PCDHGA10: variants seen among roughly 807,000 people sequenced by gnomAD.
PCDHGA10 encodes protocadherin gamma subfamily A, 10, also known as protocadherin gamma-A10.
A neutral mutation model predicts 59.5 loss-of-function variants in PCDHGA10; 42 were observed. The observed-to-expected ratio is 0.71, with a 90% CI of 0.55 to 0.91. The LOEUF is 0.91. Among genes scored for constraint, PCDHGA10 ranks in the 40% least tolerant of loss-of-function variants. The pLI, the probability that PCDHGA10 is intolerant of heterozygous loss-of-function variation, is 0.00. For missense variants in PCDHGA10, 1,111 were observed against 1,198.2 expected, an observed-to-expected ratio of 0.93 and a Z score of 1.07; for synonymous variants, 511 against 517.2, an observed-to-expected ratio of 0.99 and a Z score of 0.16.
intron 2 of PCDHGA10, among the ~76,000 whole-genome samples, chr5:141,500,705 T>A (rs1169100560): frequency 6.6e-6 from 1 of 152,220 alleles, no homozygotes; most frequent in Non-Finnish European, 1.5e-5. Context: ...TTGCAGTGTA[T>A]CATGAGAATT....
Position 141,491,925 on chromosome 5 carries a change from G to C in PCDHGA10, c.2437-2882G>C. On this transcript the variant is annotated intron_variant, in intron 1 of 3. Coordinates refer to ENST00000398610, the MANE Select transcript of PCDHGA10 (RefSeq NM_018913.3). This position sits in a 1 kb window ranked among gnomAD's most constrained non-coding sequence, Gnocchi z 6.9. ...GGGTGGTGGCGACTGTGGGCGAGGG[G>C]AGGTGGGACCGACCCCCACCCCTAC... 1 of 1,325,176 alleles carries C rather than the reference G, an allele frequency of 7.5e-7. No individual in the cohort carries two copies. Among genetic ancestry groups the C allele is most frequent in the Non-Finnish European group, 1.0e-6 (1 of 987,300 alleles). The allele number at this position is 1,325,176 out of a possible 1,614,324, so 82.1% of individuals were successfully genotyped here.
chr5:141,434,209 A>G (rs946478332), intron 1 of PCDHGA10, among the ~76,000 whole-genome samples: 17 of 152,216 alleles, frequency 1.1e-4, no homozygotes, highest in African/African-American at 4.1e-4. Flanking sequence ...TACTTCTGTC[A>G]GTGTAAACAA....
intron 1 of PCDHGA10, among the ~76,000 whole-genome samples, chr5:141,434,248 G>A (rs1347428778): frequency 2.0e-5 from 3 of 152,188 alleles, no homozygotes; most frequent in Non-Finnish European, 2.9e-5. Flanking sequence ...GATGACTTGG[G>A]CATTGTGGGG....
At chr5:141,422,911 G>A (rs375046528) in intron 1 of PCDHGA10, 5 of 1,614,118 alleles carry the variant, frequency 3.1e-6, no homozygotes, top group African/African-American at 2.7e-5. Flanking sequence ...CAATGCGCCC[G>A]AGATCCTGTA....
chr5:141,427,697 A>G (rs1306378691), intron 1 of PCDHGA10: 3 of 924,392 alleles, frequency 3.2e-6, no homozygotes, highest in South Asian at 1.4e-5. Context: ...CCATCCCACA[A>G]GTCAGCGCCT....
chr5:141,476,839 G>A lies in PCDHGA10; in HGVS notation c.2437-17968G>A, dbSNP rs372676286. The A allele has an allele frequency of 5.0e-6, 8 of 1,613,490 alleles. No homozygotes were observed. Among genetic ancestry groups the A allele is most frequent in the South Asian group, 1.1e-5 (1 of 91,088 alleles). On this transcript the variant is annotated intron_variant, in intron 1 of 3. Transcript: ENST00000398610. The surrounding 1 kb of genome is among the most constrained non-coding windows in gnomAD (Gnocchi z 7.6). ...AGGTGCTGGACGCGAATGACAATGC[G>A]CCTGTCTTCAACCAGTCCTTGTACC...
intron 1 of PCDHGA10, chr5:141,430,655 G>T (rs1309165721): frequency 1.6e-5 from 17 of 1,084,938 alleles, no homozygotes; most frequent in Non-Finnish European, 2.2e-5. Flanking sequence ...TGGAAACAAC[G>T]GAGGAGCTCT....
chr5:141,470,323 A>C (rs1029928511), intron 1 of PCDHGA10, among the ~76,000 whole-genome samples: 1 of 152,188 alleles, frequency 6.6e-6, no homozygotes, highest in African/African-American at 2.4e-5. Flanking sequence ...AAATGATCCC[A>C]TAATTTGACC....
rs530054362 is a variant in PCDHGA10 at position 141,486,066 on chromosome 5, C to G, written c.2437-8741C>G. ...AGAAACCTCTTTAGCCTGCACCCCACTACTGGAAAGCTTACTCTTTTGGGG... is the reference window on the plus strand; with the variant it reads ...AGAAACCTCTTTAGCCTGCACCCCAGTACTGGAAAGCTTACTCTTTTGGGG... On this transcript the variant is annotated intron_variant, in intron 1 of 3. Coordinates refer to ENST00000398610, the MANE Select transcript of PCDHGA10 (RefSeq NM_018913.3). This position sits in a 1 kb window ranked among gnomAD's most constrained non-coding sequence, Gnocchi z 5.0. The G allele has an allele frequency of 3.1e-6, 5 of 1,614,166 alleles. No homozygotes were observed. In the African/African-American group the frequency reaches 5.3e-5, roughly 17 times the overall value.
chr5:141,489,246 G>A lies in PCDHGA10; in HGVS notation c.2437-5561G>A, dbSNP rs141115698. On this transcript the variant is annotated intron_variant, in intron 1 of 3. Coordinates refer to ENST00000398610, the MANE Select transcript of PCDHGA10 (RefSeq NM_018913.3). The surrounding 1 kb of genome is among the most constrained non-coding windows in gnomAD (Gnocchi z 4.5). Reference sequence around the variant, plus strand: ...CACAAAGGGACTTCTGGGTCATGGGGCCCAAGACACTCCCACAGCTCGCTG... The same window carrying A: ...CACAAAGGGACTTCTGGGTCATGGGACCCAAGACACTCCCACAGCTCGCTG... 750 of 1,544,746 alleles carry A rather than the reference G, an allele frequency of 4.9e-4. No homozygotes were observed. The highest frequency in any genetic ancestry group is 6.3e-4 in the Non-Finnish European group (726 of 1,145,538).
chr5:141,475,550 TA>T (rs2099365126), intron 1 of PCDHGA10, among the ~76,000 whole-genome samples: 2 of 152,246 alleles, frequency 1.3e-5, no homozygotes, highest in Non-Finnish European at 2.9e-5. Context: ...AGGGTCCGGC[TA>T]ATTGTCTGTC....
At chr5:141,423,785 A>G (rs531378008) in intron 1 of PCDHGA10, 48 of 1,269,536 alleles carry the variant, frequency 3.8e-5, no homozygotes, top group Non-Finnish European at 4.4e-5. Context: ...TTTAGTTCAT[A>G]TATATTTAGA....
intron 1 of PCDHGA10, chr5:141,441,669 T>C: frequency 3.5e-6 from 1 of 287,870 alleles, no homozygotes; most frequent in Non-Finnish European, 6.8e-6. Context: ...GAGCGCACAG[T>C]GCGCCTTCGA....
chr5:141,419,968 T>G lies in PCDHGA10; in HGVS notation c.2436+4357T>G, dbSNP rs766617414. ...CCTTGGCCTTGATTTCTGTGCTCTT[T>G]CTCCTCGCGGTGATTCTAGCTATTG... is the stretch of plus-strand genomic sequence containing the variant. On this transcript the variant is annotated intron_variant, in intron 1 of 3. Transcript: ENST00000398610. The G allele has an allele frequency of 6.2e-6, 10 of 1,614,036 alleles. No homozygotes were observed. The South Asian group carries it at 1.1e-4, about 18-fold the overall frequency.
At chr5:141,504,384 C>G (rs2099837898) in intron 2 of PCDHGA10, among the ~76,000 whole-genome samples, 1 of 152,026 alleles carries the variant, frequency 6.6e-6, no homozygotes, top group South Asian at 2.1e-4. Flanking sequence ...GAGTCGCTGC[C>G]TCACAGAAGC....
At chr5:141,436,327 C>T (rs1384222077) in intron 1 of PCDHGA10, among the ~76,000 whole-genome samples, 1 of 152,098 alleles carries the variant, frequency 6.6e-6, no homozygotes, top group Admixed American at 6.5e-5. Flanking sequence ...ACTGTTAGAC[C>T]ATATCTCAAA....
At position 141,415,502 on chromosome 5, in the gene PCDHGA10, A is replaced by C. The variant is rs1162629839; in HGVS notation, c.2327A>C (p.Gln776Pro). The C allele has an allele frequency of 3.7e-6, 6 of 1,614,086 alleles. No individual in the cohort carries two copies. Among genetic ancestry groups the C allele is most frequent in the Admixed American group, 1.7e-5 (1 of 60,010 alleles). The change falls in exon 1 of 4, where the codon CAG (glutamine) becomes CCG (proline). Residue 776 changes from glutamine to proline, a missense_variant. Physicochemically the swap from Gln to Pro is moderately conservative, Grantham distance 76. Transcript: ENST00000398610. ...DSRKSHLIFP[Q>P]PNYADTLISQ... Reference sequence around the variant, plus strand: ...CGAAAGAGTCACCTGATCTTCCCCCAGCCCAATTATGCGGACACGCTCATC... The same window carrying C: ...CGAAAGAGTCACCTGATCTTCCCCCCGCCCAATTATGCGGACACGCTCATC...
intron 1 of PCDHGA10, chr5:141,427,571 G>A: frequency 1.5e-6 from 1 of 662,942 alleles, no homozygotes. Flanking sequence ...GCAAGCCTCC[G>A]CTCTCATCCA....
intron 1 of PCDHGA10, chr5:141,475,984 G>T: frequency 1.9e-6 from 2 of 1,069,308 alleles, no homozygotes; most frequent in South Asian, 3.1e-5. Context: ...AACAGCCGGC[G>T]AGCAAATCAA....
Sources: allele counts gnomAD v4.1 joint callset (sites outside exome capture counted in the v4.1 genomes callset), GRCh38; gene constraint gnomAD v4.1.1; non-coding constraint Gnocchi (gnomAD v3.1); transcripts MANE v1.5; gene names NCBI Gene and HGNC (gene_info 2026-07-23, HGNC 2026-07-21).